Variants in AGO3 observed in about 807,000 individuals in gnomAD.
The protein encoded by AGO3 is protein argonaute-3.
Under a neutral mutation model 105.5 loss-of-function variants are expected in AGO3, and 16 were observed. That is an observed-to-expected ratio of 0.15 (90% CI 0.10 to 0.23). The LOEUF (loss-of-function observed/expected upper bound fraction) is 0.23. Among genes scored for constraint, AGO3 ranks in the 10% least tolerant of loss-of-function variants. The pLI, the probability that AGO3 is intolerant of heterozygous loss-of-function variation, is 1.00. For missense variants in AGO3, 534 were observed against 1,088.0 expected, an observed-to-expected ratio of 0.49 and a Z score of 7.16; for synonymous variants, 340 against 367.3, an observed-to-expected ratio of 0.93 and a Z score of 0.85.
Position 36,062,964 on chromosome 1 carries a change from T to C in AGO3, c.*7219T>C, listed in dbSNP as rs931445481. On this transcript the variant is annotated 3_prime_UTR_variant, in exon 19 of 19. Coordinates refer to ENST00000373191, the MANE Select transcript of AGO3 (RefSeq NM_024852.4). ...TTTTCTATTGTGATGTTTATATTTA[T>C]TGGCAATTTGTATGCAACTTTTATA... The C allele has an allele frequency of 5.3e-5, 8 of 152,224 alleles. No individual in the cohort carries two copies. Among genetic ancestry groups the C allele is most frequent in the African/African-American group, 1.9e-4 (8 of 41,460 alleles). The allele number at this position is 152,224 out of a possible 1,614,324, so 9.4% of individuals were successfully genotyped here. A position where few individuals can be genotyped will look rare whatever the true frequency, so the allele number is the denominator to read the frequency against.
intron 2 of AGO3, among the ~76,000 whole-genome samples, chr1:35,964,738 C>T (rs1419780525): frequency 1.3e-5 from 2 of 152,200 alleles, no homozygotes; most frequent in East Asian, 1.9e-4. Context: ...TTTACACTCT[C>T]ACCAACAGTG....
At position 35,990,372 on chromosome 1, in the gene AGO3, G is replaced by C. The variant is rs567069740; in HGVS notation, c.659-13969G>C. On this transcript the variant is annotated intron_variant, in intron 5 of 18. Transcript: ENST00000373191. The stretch of plus-strand genomic sequence containing the variant: ...AAATACAAAAAATTAGCTGGGCGTG[G>C]TGGCAGGCACCTGTAGTCCCAGCTA... Among the ~76,000 whole-genome samples, 389 of 152,228 alleles carry C rather than the reference G, an allele frequency of 2.6e-3. 2 individuals carry two copies. The highest frequency in any genetic ancestry group is 0.02 in the Middle Eastern group (6 of 294).
intron 2 of AGO3, among the ~76,000 whole-genome samples, chr1:35,949,231 C>T (rs1183133535): frequency 6.6e-6 from 1 of 152,248 alleles, no homozygotes; most frequent in East Asian, 1.9e-4. Context: ...GCGTGAGCTA[C>T]CGCACCCGGC....
intron 12 of AGO3, among the ~76,000 whole-genome samples, chr1:36,030,836 A>G (rs1285650703): frequency 6.6e-6 from 1 of 152,138 alleles, no homozygotes; most frequent in African/African-American, 2.4e-5. Context: ...CTTTTAACAT[A>G]TTAGTTAGAC....
chr1:35,995,334 C>G (rs949984334), intron 5 of AGO3, among the ~76,000 whole-genome samples: 1 of 149,878 alleles, frequency 6.7e-6, no homozygotes, highest in African/African-American at 2.5e-5. Flanking sequence ...TAAAGAAGAA[C>G]GAAGTTGGTG....
At chr1:35,973,664 C>T (rs1646907602) in intron 5 of AGO3, 153 bp downstream of exon 5, 11 of 886,944 alleles carry the variant, frequency 1.2e-5, no homozygotes, top group Non-Finnish European at 1.7e-5. Context: ...ATTTTTATTA[C>T]ATTTCATTTA....
intron 8 of AGO3, 98 bp from the exon 9 acceptor site, chr1:36,009,377 A>C (rs1640483045): frequency 7.5e-7 from 1 of 1,341,954 alleles, no homozygotes; most frequent in Non-Finnish European, 1.0e-6. Flanking sequence ...GGTTTAATGA[A>C]GTTGATTTTA....
At chr1:35,955,237 G>C (rs1175954231) in intron 2 of AGO3, among the ~76,000 whole-genome samples, 1 of 152,172 alleles carries the variant, frequency 6.6e-6, no homozygotes, top group Admixed American at 6.5e-5. Context: ...AGAAAGACTT[G>C]AGTCCTGGAG....
intron 2 of AGO3, among the ~76,000 whole-genome samples, chr1:35,952,116 C>T (rs930252414): frequency 2.8e-5 from 2 of 70,402 alleles, no homozygotes; most frequent in Admixed American, 1.5e-4. Context: ...GTCGGTCTTT[C>T]TTTCTTTCTT....
chr1:35,982,008 AT>A (rs1249899972), intron 5 of AGO3, among the ~76,000 whole-genome samples: 1 of 152,136 alleles, frequency 6.6e-6, no homozygotes, highest in Non-Finnish European at 1.5e-5. Context: ...GATATATGGT[AT>A]TTTTTGTTTT....
chr1:36,053,915 A>C (rs1306546560), intron 17 of AGO3, among the ~76,000 whole-genome samples: 1 of 151,740 alleles, frequency 6.6e-6, no homozygotes, highest in Non-Finnish European at 1.5e-5. Flanking sequence ...CGCCTAGCTA[A>C]TTTTTGTATT....
intron 2 of AGO3, among the ~76,000 whole-genome samples, chr1:35,955,929 T>A (rs1646556969): frequency 6.6e-6 from 1 of 152,104 alleles, no homozygotes; most frequent in South Asian, 2.1e-4. Flanking sequence ...CCCATTACTC[T>A]CCTAGGATTC....
intron 3 of AGO3, among the ~76,000 whole-genome samples, chr1:35,969,408 C>G (rs567490572): frequency 6.6e-6 from 1 of 151,986 alleles, no homozygotes; most frequent in Non-Finnish European, 1.5e-5. Context: ...TTTGATTATT[C>G]TTGCTTGGCA....
chr1:35,977,428 T>C (rs2148779832), intron 5 of AGO3, among the ~76,000 whole-genome samples: 1 of 150,050 alleles, frequency 6.7e-6, no homozygotes, highest in Admixed American at 6.7e-5. Context: ...GGTCTTGCTC[T>C]GTCACCCAGG....
rs201536551 is a variant in AGO3, at chr1:36,002,664, G to C, written c.659-1677G>C. 4.6e-5 allele frequency among the ~76,000 whole-genome samples: 7 copies of C among 150,734 alleles called. No individual in the cohort carries two copies. The East Asian group carries it at 1.4e-3, about 29-fold the overall frequency. ...TTTTGAAGAAAATAAAATACCCACA[G>C]TAGCCTCACCACCCACATTTATCCA... On this transcript the variant is annotated intron_variant, in intron 5 of 18. Transcript: ENST00000373191.
chr1:35,973,593 C>T (rs896222378), intron 5 of AGO3, 82 bp downstream of exon 5: 13 of 1,284,330 alleles, frequency 1.0e-5, no homozygotes, highest in African/African-American at 3.0e-5. Flanking sequence ...TATAATTATA[C>T]ATACTGGTGT....
chr1:35,934,575 G>A (rs959968381), intron 1 of AGO3, among the ~76,000 whole-genome samples: 3 of 152,106 alleles, frequency 2.0e-5, no homozygotes, highest in African/African-American at 7.2e-5. Context: ...TAAAAATTAT[G>A]GGTCAAAAAT....
chr1:36,013,494 A>T, intron 9 of AGO3, 136 bp from the exon 10 acceptor site: 1 of 1,136,262 alleles, frequency 8.8e-7, no homozygotes, highest in Non-Finnish European at 1.2e-6. Flanking sequence ...GCTGTTCTGT[A>T]GTTAGAGCAC....
At chr1:36,026,632 T>A (rs1421135888) in intron 11 of AGO3, among the ~76,000 whole-genome samples, 3 of 152,198 alleles carry the variant, frequency 2.0e-5, no homozygotes, top group Non-Finnish European at 4.4e-5. Flanking sequence ...TCTTGTGAGA[T>A]CAAATTAGAA....
Sources: gnomAD v4.1 joint callset for allele counts (sites outside exome capture counted in the v4.1 genomes callset) on GRCh38, gnomAD v4.1.1 for gene constraint, MANE v1.5 for transcripts, NCBI Gene and HGNC (gene_info 2026-07-23, HGNC 2026-07-21) for gene names.